Variants in KSR2 observed in about 807,000 individuals in gnomAD.
KSR2 encodes kinase suppressor of ras 2.
In KSR2, 25 loss-of-function variants were observed where a neutral mutation model predicts 107.8. The ratio of observed to expected loss-of-function variants is 0.23; its 90% CI spans 0.17 to 0.32. KSR2 has a LOEUF of 0.32. Among genes scored for constraint, KSR2 ranks in the 10% least tolerant of loss-of-function variants. KSR2 has a pLI of 1.00. For missense variants in KSR2, 887 were observed against 1,268.9 expected (o/e 0.70, Z 4.57); for synonymous variants, 480 against 507.0 (o/e 0.95, Z 0.71).
At chr12:117,904,486 C>T (rs983720431) in intron 1 of KSR2, among the ~76,000 whole-genome samples, 1 of 152,064 alleles carries the variant, frequency 6.6e-6, no homozygotes, top group South Asian at 2.1e-4. Context: ...TGCAGACGGT[C>T]GTTAAGAAAC....
At chr12:117,606,362 C>A in intron 5 of KSR2, among the ~76,000 whole-genome samples, 1 of 84,858 alleles carries the variant, frequency 1.2e-5, no homozygotes. Context: ...CCTCCCTCCC[C>A]TCCTTCCTCC....
chr12:117,748,557 A>T (rs1888496427), intron 4 of KSR2, among the ~76,000 whole-genome samples: 1 of 150,846 alleles, frequency 6.6e-6, no homozygotes, highest in Non-Finnish European at 1.5e-5. Context: ...GTACTCCATA[A>T]ATATGTACAG....
At position 117,476,191 on chromosome 12, in the gene KSR2, C is replaced by A. The variant is rs919299079; in HGVS notation, c.2582+273G>T. Among the ~76,000 whole-genome samples, 19 of 152,214 alleles carry A rather than the reference C, an allele frequency of 1.2e-4. 1 individual carries two copies. Among genetic ancestry groups the A allele is most frequent in the Admixed American group, 1.2e-3 (18 of 15,284 alleles). On this transcript the variant is annotated intron_variant, in intron 17 of 19. Coordinates refer to ENST00000339824, the MANE Select transcript of KSR2 (RefSeq NM_173598.6). ...CCCTGCATCTGCTACAATCCTAGCA[C>A]ATAGTAGGCAGCCAACAAATAGCTA...
chr12:117,876,853 A>T (rs1263114617), intron 1 of KSR2, among the ~76,000 whole-genome samples: 2 of 151,684 alleles, frequency 1.3e-5, no homozygotes, highest in Non-Finnish European at 2.9e-5. Context: ...CATGTTTCAG[A>T]TTTCAGATTT....
chr12:117,918,037 C>G (rs2137450212), intron 1 of KSR2, among the ~76,000 whole-genome samples: 1 of 152,312 alleles, frequency 6.6e-6, no homozygotes, highest in African/African-American at 2.4e-5. Flanking sequence ...ATCTCTAACT[C>G]CCCACCTCCC....
At chr12:117,725,080 TCTCTCACA>T (rs1293296253) in intron 4 of KSR2, among the ~76,000 whole-genome samples, 3 of 135,090 alleles carry the variant, frequency 2.2e-5, no homozygotes, top group African/African-American at 8.2e-5. Flanking sequence ...TCTCTCTCTC[TCTCTCACA>T]CACACACACA....
chr12:117,836,604 A>T (rs1396826082), intron 3 of KSR2, among the ~76,000 whole-genome samples: 2 of 152,242 alleles, frequency 1.3e-5, no homozygotes, highest in Non-Finnish European at 2.9e-5. Context: ...TGGCCCAGGC[A>T]GGACTCACAT....
At chr12:117,519,056 CTG>C (rs963969331) in intron 14 of KSR2, among the ~76,000 whole-genome samples, 2 of 152,248 alleles carry the variant, frequency 1.3e-5, no homozygotes, top group African/African-American at 4.8e-5. Flanking sequence ...ACTGTAGACA[CTG>C]TGTTCTGAGT....
At chr12:117,808,697 C>A (rs181872256) in intron 3 of KSR2, among the ~76,000 whole-genome samples, 2 of 152,162 alleles carry the variant, frequency 1.3e-5, no homozygotes, top group African/African-American at 4.8e-5. Flanking sequence ...TCCTACACCC[C>A]TCTCCTCTCC....
chr12:117,606,318 CTA>C (rs1881227824), intron 5 of KSR2, among the ~76,000 whole-genome samples: 1 of 138,180 alleles, frequency 7.2e-6, no homozygotes, highest in East Asian at 2.3e-4. Context: ...CCTTCCTTCC[CTA>C]CTTTCTTCCT....
At chr12:117,760,467 G>A (rs1219307048) in intron 4 of KSR2, among the ~76,000 whole-genome samples, 1 of 152,116 alleles carries the variant, frequency 6.6e-6, no homozygotes, top group Admixed American at 6.5e-5. Flanking sequence ...TTATAATTTT[G>A]ATATATTGGG....
At chr12:117,925,016 C>CCA (rs1254519456) in intron 1 of KSR2, among the ~76,000 whole-genome samples, 1 of 151,914 alleles carries the variant, frequency 6.6e-6, no homozygotes, top group Non-Finnish European at 1.5e-5. Context: ...CAAAACACTC[C>CCA]CACACACACA....
intron 4 of KSR2, among the ~76,000 whole-genome samples, chr12:117,708,690 C>G (rs1025078175): frequency 1.3e-5 from 2 of 152,160 alleles, no homozygotes; most frequent in Non-Finnish European, 2.9e-5. Flanking sequence ...CAGGAGCCGC[C>G]CACATCTAAT....
intron 3 of KSR2, among the ~76,000 whole-genome samples, chr12:117,802,913 G>A (rs1252044089): frequency 6.6e-6 from 1 of 152,184 alleles, no homozygotes; most frequent in Non-Finnish European, 1.5e-5. Flanking sequence ...GGGAGTAATG[G>A]GATTTTTCAG....
At chr12:117,644,366 T>C (rs1349604079) in intron 5 of KSR2, among the ~76,000 whole-genome samples, 7 of 152,194 alleles carry the variant, frequency 4.6e-5, no homozygotes, top group Non-Finnish European at 8.8e-5. Context: ...AAGTCATAGG[T>C]ATTCAGAAAA....
At chr12:117,614,952 A>T (rs920857383) in intron 5 of KSR2, among the ~76,000 whole-genome samples, 1 of 151,918 alleles carries the variant, frequency 6.6e-6, no homozygotes, top group Non-Finnish European at 1.5e-5. Context: ...TAATGATGGC[A>T]GTTGAGGGAA....
intron 1 of KSR2, among the ~76,000 whole-genome samples, chr12:117,942,880 G>A (rs915669839): frequency 5.3e-5 from 8 of 152,062 alleles, no homozygotes; most frequent in Non-Finnish European, 1.0e-4. Flanking sequence ...GTTTATGAGA[G>A]CGAAAAACTA....
intron 1 of KSR2, among the ~76,000 whole-genome samples, chr12:117,967,514 C>T (rs1896834452): frequency 6.6e-6 from 1 of 151,800 alleles, no homozygotes; most frequent in Admixed American, 6.6e-5. Context: ...TGCCTCCTGA[C>T]ATGTATATCA....
Position 117,462,263 on chromosome 12 carries a change from A to T in KSR2, c.*4936T>A, listed in dbSNP as rs1224394859. 7.1e-6 allele frequency: 1 copy of T among 141,232 alleles called. No homozygotes were observed. Among genetic ancestry groups the T allele is most frequent in the Non-Finnish European group, 1.6e-5 (1 of 64,288 alleles). The allele number at this position is 141,232 out of a possible 1,614,324, so 8.7% of individuals were successfully genotyped here. A position where few individuals can be genotyped will look rare whatever the true frequency, so the allele number is the denominator to read the frequency against. Reference sequence around the variant, plus strand: ...AAAAAAAAAAAAAAAAAAAAAAGACATGTTGAAGTCCTCATTCCTAGTACC... The same window carrying T: ...AAAAAAAAAAAAAAAAAAAAAAGACTTGTTGAAGTCCTCATTCCTAGTACC... On this transcript the variant is annotated 3_prime_UTR_variant, in exon 20 of 20. Coordinates refer to ENST00000339824, the MANE Select transcript of KSR2 (RefSeq NM_173598.6).
Sources: allele counts gnomAD v4.1 joint callset (sites outside exome capture counted in the v4.1 genomes callset), GRCh38; gene constraint gnomAD v4.1.1; transcripts MANE v1.5; gene names NCBI Gene and HGNC (gene_info 2026-07-23, HGNC 2026-07-21).